UIMC1: variants seen among roughly 807,000 people sequenced by gnomAD.
The protein encoded by UIMC1 is BRCA1-A complex subunit RAP80.
In UIMC1, 42 loss-of-function variants were observed where a neutral mutation model predicts 84.9. That is an observed-to-expected ratio of 0.49 (90% CI 0.39 to 0.64). UIMC1 has a LOEUF of 0.64. Ranked by LOEUF, UIMC1 falls within the 30% of genes least tolerant of loss-of-function variation. The pLI is 0.00. For synonymous variants in UIMC1, 281 were observed against 293.0 expected, an observed-to-expected ratio of 0.96 and a Z score of 0.42; for missense variants, 825 against 847.6, an observed-to-expected ratio of 0.97 and a Z score of 0.33.
At chr5:176,966,446 T>C (rs72813114) in intron 6 of UIMC1, among the ~76,000 whole-genome samples, 5,355 of 152,302 alleles carry the variant, frequency 0.035, 143 homozygotes, top group South Asian at 0.062. Context: ...AAGTTACCAT[T>C]TCTTGAACCT....
At chr5:176,906,311 G>A in intron 13 of UIMC1, 1 of 435,330 alleles carries the variant, frequency 2.3e-6, no homozygotes, top group Non-Finnish European at 4.1e-6. Flanking sequence ...CAAGGAAGTT[G>A]CCAAGGGAAA....
At chr5:176,911,979 T>A (rs1313180852) in intron 10 of UIMC1, among the ~76,000 whole-genome samples, 1 of 152,258 alleles carries the variant, frequency 6.6e-6, no homozygotes, top group African/African-American at 2.4e-5. Flanking sequence ...AAAAGACATC[T>A]GTTTATAAAA....
chr5:176,983,300 T>C (rs967022944), intron 1 of UIMC1, among the ~76,000 whole-genome samples: 4 of 151,608 alleles, frequency 2.6e-5, no homozygotes, highest in African/African-American at 9.7e-5. Flanking sequence ...ACTGCCACGA[T>C]CTTGGCTCGC....
intron 10 of UIMC1, 71 bp downstream of exon 10, chr5:176,943,264 A>T: frequency 6.6e-7 from 1 of 1,514,388 alleles, no homozygotes; most frequent in African/African-American, 1.4e-5. Context: ...TTTTCCCTGC[A>T]TTGTAATGTA....
At chr5:177,004,094 G>A (rs1279361794) in intron 1 of UIMC1, among the ~76,000 whole-genome samples, 1 of 152,188 alleles carries the variant, frequency 6.6e-6, no homozygotes, top group African/African-American at 2.4e-5. Flanking sequence ...CTCCCAAAGT[G>A]CTGGGATTAC....
chr5:177,013,893 G>C (rs186447805), intron 1 of UIMC1, among the ~76,000 whole-genome samples: 10 of 152,150 alleles, frequency 6.6e-5, no homozygotes, highest in African/African-American at 2.2e-4. Flanking sequence ...CCTGAGCCTA[G>C]GAATCCAGGG....
intron 1 of UIMC1, among the ~76,000 whole-genome samples, chr5:177,006,012 T>C (rs763201647): frequency 6.6e-6 from 1 of 152,250 alleles, no homozygotes; most frequent in South Asian, 2.1e-4. Flanking sequence ...CGCTGGGGGT[T>C]ATTTTCGGGG....
intron 6 of UIMC1, among the ~76,000 whole-genome samples, chr5:176,965,592 A>G (rs529579638): frequency 6.6e-6 from 1 of 152,282 alleles, no homozygotes; most frequent in Non-Finnish European, 1.5e-5. Context: ...CAAAATGCTG[A>G]GATTAGGCAT....
chr5:176,963,238 G>T (rs1433447415), intron 6 of UIMC1, among the ~76,000 whole-genome samples: 1 of 151,308 alleles, frequency 6.6e-6, no homozygotes, highest in African/African-American at 2.4e-5. Context: ...AGTGAAAATG[G>T]GGCTGGGCAG....
At chr5:176,907,432 T>A (rs144422052) in intron 12 of UIMC1, 284 of 371,850 alleles carry the variant, frequency 7.6e-4, no homozygotes, top group Admixed American at 2.4e-3. Flanking sequence ...CTACAGGCAG[T>A]GATCCCAGAA....
chr5:176,959,642 G>A (rs1351031070), intron 6 of UIMC1, among the ~76,000 whole-genome samples: 2 of 148,822 alleles, frequency 1.3e-5, no homozygotes, highest in Non-Finnish European at 3.0e-5. Context: ...CGTGAACCCG[G>A]GAGGCGGAGC....
chr5:176,958,145 CTT>C lies in UIMC1; in HGVS notation c.1208_1209del (p.Gln403ArgfsTer4). The C allele has an allele frequency of 6.2e-7, 1 of 1,613,540 alleles. No individual in the cohort carries two copies. The highest frequency in any genetic ancestry group is 8.5e-7 in the Non-Finnish European group (1 of 1,179,584). On this transcript the variant is annotated frameshift_variant, in exon 7 of 15. Coordinates refer to ENST00000511320, the MANE Select transcript of UIMC1 (RefSeq NM_001199298.2). LOFTEE classifies it high-confidence loss of function. ...TCTTCAGAAGTTTCTTCAACAATCCCTTGGGAAGACTGCAAAGAAATACGTAG... is the reference window on the plus strand; with the variant it reads ...TCTTCAGAAGTTTCTTCAACAATCCCGGGAAGACTGCAAAGAAATACGTAG... ...EPTTSHGQSSQGIVEETSEEG... is the reference protein window; with the variant it reads ...EPTTSHGQSSXGIVEETSEEG...
At chr5:176,974,440 C>T (rs1182267393) in intron 3 of UIMC1, among the ~76,000 whole-genome samples, 1 of 151,874 alleles carries the variant, frequency 6.6e-6, no homozygotes, top group African/African-American at 2.4e-5. Context: ...ATAAAATTTC[C>T]AGAAGAAAAT....
At chr5:176,936,689 G>C (rs930107656) in intron 10 of UIMC1, among the ~76,000 whole-genome samples, 16 of 151,964 alleles carry the variant, frequency 1.1e-4, no homozygotes, top group African/African-American at 2.9e-4. Flanking sequence ...CACACCTCAG[G>C]GTTTTTGCAT....
At chr5:177,008,773 G>A (rs1305025202), upstream of UIMC1, among the ~76,000 whole-genome samples, 1 of 152,112 alleles carries the variant, frequency 6.6e-6, no homozygotes, top group East Asian at 1.9e-4. Context: ...GAATAAGGCA[G>A]AAATGATGGC....
At chr5:176,944,559 C>T (rs1764847794) in intron 9 of UIMC1, among the ~76,000 whole-genome samples, 2 of 152,206 alleles carry the variant, frequency 1.3e-5, no homozygotes, top group South Asian at 4.1e-4. Flanking sequence ...GCAAGGGACA[C>T]CCGGGCTGTC....
intron 10 of UIMC1, among the ~76,000 whole-genome samples, chr5:176,938,460 T>A (rs1173210485): frequency 6.6e-6 from 1 of 152,262 alleles, no homozygotes; most frequent in East Asian, 1.9e-4. Flanking sequence ...GTGCTCTGCA[T>A]AATTCCTCTA....
chr5:176,958,068 T>C (rs779511516), intron 7 of UIMC1, 25 bp downstream of exon 7: 1 of 1,612,096 alleles, frequency 6.2e-7, no homozygotes, highest in Non-Finnish European at 8.5e-7. Context: ...CAGAGGAGAA[T>C]GCATAGCAAC....
chr5:176,951,342 C>T (rs2149454607), intron 9 of UIMC1, 132 bp downstream of exon 9: 1 of 581,404 alleles, frequency 1.7e-6, no homozygotes, highest in Non-Finnish European at 3.0e-6. Context: ...AAAATCTCTC[C>T]CTAACATAAG....
Sources: allele counts gnomAD v4.1 joint callset (sites outside exome capture counted in the v4.1 genomes callset), GRCh38; gene constraint gnomAD v4.1.1; transcripts MANE v1.5; gene names NCBI Gene and HGNC (gene_info 2026-07-23, HGNC 2026-07-21).